The following FRAS1 variants were observed in gnomAD, a reference collection of about 807,000 sequenced individuals.
FRAS1 encodes the protein Fraser extracellular matrix complex subunit 1, also known as extracellular matrix organizing protein FRAS1.
Under a neutral mutation model 435.2 loss-of-function variants are expected in FRAS1, and 290 were observed. That is an observed-to-expected ratio of 0.67 (90% CI 0.61 to 0.73). The LOEUF (loss-of-function observed/expected upper bound fraction) is 0.73. Ranked by LOEUF, FRAS1 falls within the 30% of genes least tolerant of loss-of-function variation. The pLI is 0.00. For synonymous variants in FRAS1, 1,800 were observed against 1,851.0 expected, an observed-to-expected ratio of 0.97 and a Z score of 0.71; for missense variants, 4,860 against 5,001.5, an observed-to-expected ratio of 0.97 and a Z score of 0.85.
At chr4:78,080,449 A>AT (rs1309096643) in intron 2 of FRAS1, among the ~76,000 whole-genome samples, 4 of 152,038 alleles carry the variant, frequency 2.6e-5, no homozygotes, top group African/African-American at 9.7e-5. Flanking sequence ...ACTTAAAATC[A>AT]TTTTTTTCTA....
At chr4:78,271,321 T>A (rs796263101) in intron 9 of FRAS1, among the ~76,000 whole-genome samples, 4 of 152,340 alleles carry the variant, frequency 2.6e-5, no homozygotes, top group African/African-American at 9.6e-5. Context: ...TCCATTAATT[T>A]TTTTTATTAT....
intron 65 of FRAS1, 27 bp downstream of exon 65, chr4:78,513,579 C>T (rs1721109084): frequency 6.2e-7 from 1 of 1,603,172 alleles, no homozygotes; most frequent in African/African-American, 1.3e-5. Flanking sequence ...CAGGACTGGT[C>T]TTTCCATGCT....
chr4:78,429,506 A>G (rs1194258629), intron 36 of FRAS1, among the ~76,000 whole-genome samples: 4 of 152,166 alleles, frequency 2.6e-5, no homozygotes, highest in African/African-American at 2.4e-5. Context: ...ATAAAGTAAT[A>G]GAGCGGCGAG....
intron 2 of FRAS1, among the ~76,000 whole-genome samples, chr4:78,112,324 T>C (rs1014800685): frequency 1.3e-5 from 2 of 152,182 alleles, no homozygotes; most frequent in African/African-American, 4.8e-5. Context: ...GACTCACCAA[T>C]CACTTCATAC....
chr4:78,176,025 G>A lies in FRAS1; in HGVS notation c.109-61485G>A, dbSNP rs1208746778. The stretch of plus-strand genomic sequence containing the variant: ...TAAGATCTCAGTTGCTCAGACATTA[G>A]TGAATTGAATGTCAAATACTACTTT... On this transcript the variant is annotated intron_variant, in intron 2 of 73. Coordinates refer to ENST00000512123, the MANE Select transcript of FRAS1 (RefSeq NM_025074.7). Among the ~76,000 whole-genome samples the A allele has an allele frequency of 4.6e-5, 7 of 152,320 alleles. No homozygotes were observed. The East Asian group carries it at 1.2e-3, about 25-fold the overall frequency.
chr4:78,142,144 G>C (rs937110114), intron 2 of FRAS1, among the ~76,000 whole-genome samples: 1 of 151,952 alleles, frequency 6.6e-6, no homozygotes, highest in Non-Finnish European at 1.5e-5. Flanking sequence ...AAAAAAATGG[G>C]ACTACGGCTT....
chr4:78,209,396 G>T (rs1429875377), intron 2 of FRAS1, among the ~76,000 whole-genome samples: 1 of 152,112 alleles, frequency 6.6e-6, no homozygotes, highest in Admixed American at 6.5e-5. Context: ...GAGACTAGGG[G>T]GTGGCAGGAG....
rs989310012 is a variant in FRAS1, at chr4:78,419,039, A to C, written c.4516A>C (p.Thr1506Pro). 1.9e-6 allele frequency: 3 copies of C among 1,576,954 alleles called. No homozygotes were observed. Among genetic ancestry groups the C allele is most frequent in the Non-Finnish European group, 2.6e-6 (3 of 1,164,608 alleles). ...KPSGKIVYNI[T>P]LPLHPNQGII... Reference sequence around the variant, plus strand: ...AAGTGGAAAGATTGTCTACAACATCACTCTACCTCTGCATCCAAATCAAGG... The same window carrying C: ...AAGTGGAAAGATTGTCTACAACATCCCTCTACCTCTGCATCCAAATCAAGG... Residue 1506 changes from threonine (T) to proline (P), a missense_variant, in exon 33 of 74, where the codon ACT becomes CCT. Thr to Pro is a conservative substitution (Grantham distance 38). Transcript: ENST00000512123.
At chr4:78,142,761 T>C (rs981464302) in intron 2 of FRAS1, among the ~76,000 whole-genome samples, 5 of 152,228 alleles carry the variant, frequency 3.3e-5, no homozygotes, top group African/African-American at 4.8e-5. Flanking sequence ...AAGTGTTCTA[T>C]GTTCCATGCA....
At chr4:78,495,245 T>C (rs981320663) in intron 59 of FRAS1, among the ~76,000 whole-genome samples, 4 of 151,996 alleles carry the variant, frequency 2.6e-5, no homozygotes, top group African/African-American at 9.7e-5. Context: ...TTTTAGGTAT[T>C]AATAACATCT....
intron 18 of FRAS1, among the ~76,000 whole-genome samples, chr4:78,327,275 A>G (rs1258988342): frequency 1.3e-5 from 2 of 152,134 alleles, no homozygotes; most frequent in East Asian, 3.8e-4. Context: ...ACTCATTTCA[A>G]TTTTTAGCCC....
intron 71 of FRAS1, among the ~76,000 whole-genome samples, chr4:78,535,199 C>A (rs1721843774): frequency 1.3e-5 from 2 of 152,196 alleles, no homozygotes; most frequent in Non-Finnish European, 2.9e-5. Flanking sequence ...TGGCCTCCAT[C>A]CTCTGCCCCT....
chr4:78,464,436 A>G lies in FRAS1; in HGVS notation c.6889-7A>G. 1 of 1,613,960 alleles carries G rather than the reference A, an allele frequency of 6.2e-7. No individual in the cohort carries two copies. ...GGTGTCCCACCTGCACTTTCCTGCC[A>G]TTCTAGGTGACTCAGACTTTCCATA... On this transcript the variant is annotated splice_polypyrimidine_tract_variant and splice_region_variant and intron_variant, in intron 48 of 73. Transcript: ENST00000512123.
rs535960169 is a variant in FRAS1 at position 78,408,536 on chromosome 4, T to A, written c.4308+695T>A. On this transcript the variant is annotated intron_variant, in intron 31 of 73. Transcript: ENST00000512123. Reference sequence around the variant, plus strand: ...TTTTGAATGTTCTTGGAACACTTACTATCTTGTGATAAGATCATGGGCCTA... The same window carrying A: ...TTTTGAATGTTCTTGGAACACTTACAATCTTGTGATAAGATCATGGGCCTA... Among the ~76,000 whole-genome samples the A allele has an allele frequency of 2.0e-4, 31 of 152,346 alleles. No homozygotes were observed. The South Asian group carries it at 6.0e-3, about 29-fold the overall frequency.
chr4:78,114,801 C>T, intron 2 of FRAS1, among the ~76,000 whole-genome samples: 1 of 152,236 alleles, frequency 6.6e-6, no homozygotes, highest in Non-Finnish European at 1.5e-5. Flanking sequence ...TCCTCTTTTC[C>T]TAATTGAAAA....
chr4:78,218,528 G>T (rs780472247), intron 2 of FRAS1, among the ~76,000 whole-genome samples: 1 of 152,184 alleles, frequency 6.6e-6, no homozygotes, highest in Non-Finnish European at 1.5e-5. Flanking sequence ...ACTGTTTGTC[G>T]TATGATATCT....
chr4:78,076,870 T>C (rs1740662948), intron 2 of FRAS1, among the ~76,000 whole-genome samples: 1 of 152,228 alleles, frequency 6.6e-6, no homozygotes, highest in Non-Finnish European at 1.5e-5. Context: ...AGTATCCTTT[T>C]ATATTTCTTA....
At chr4:78,275,841 C>T (rs1446648952) in intron 9 of FRAS1, among the ~76,000 whole-genome samples, 6 of 152,088 alleles carry the variant, frequency 3.9e-5, no homozygotes, top group Non-Finnish European at 7.3e-5. Flanking sequence ...CTCTGTATTT[C>T]CTCAATTTGA....
chr4:78,392,775 G>T (rs1468958301), intron 29 of FRAS1, among the ~76,000 whole-genome samples: 1 of 151,522 alleles, frequency 6.6e-6, no homozygotes, highest in Non-Finnish European at 1.5e-5. Flanking sequence ...AACTGGCAGG[G>T]ATATATACAT....
Sources: gnomAD v4.1 joint callset for allele counts (sites outside exome capture counted in the v4.1 genomes callset) on GRCh38, gnomAD v4.1.1 for gene constraint, MANE v1.5 for transcripts, NCBI Gene and HGNC (gene_info 2026-07-23, HGNC 2026-07-21) for gene names.